MAGI2: variants seen among roughly 807,000 people sequenced by gnomAD.
MAGI2 encodes the protein membrane-associated guanylate kinase, WW and PDZ domain-containing protein 2.
A neutral mutation model predicts 133.3 loss-of-function variants in MAGI2; 35 were observed. The observed-to-expected ratio is 0.26, with a 90% CI of 0.20 to 0.35. The LOEUF is 0.35. Among genes scored for constraint, MAGI2 ranks in the 10% least tolerant of loss-of-function variants. The pLI is 1.00. For synonymous variants in MAGI2, 729 were observed against 710.6 expected (o/e 1.03, Z -0.41); for missense variants, 1,636 against 1,863.4 (o/e 0.88, Z 2.25).
intron 2 of MAGI2, among the ~76,000 whole-genome samples, chr7:78,908,288 A>G (rs1447966558): frequency 9.2e-5 from 14 of 152,374 alleles, no homozygotes; most frequent in Middle Eastern, 3.4e-3. Flanking sequence ...TTACAGAACT[A>G]TGACACCAAA....
At chr7:79,062,669 T>C (rs1393066594) in intron 1 of MAGI2, among the ~76,000 whole-genome samples, 1 of 151,952 alleles carries the variant, frequency 6.6e-6, no homozygotes, top group Non-Finnish European at 1.5e-5. Flanking sequence ...TTTTCATGAG[T>C]CTATAATTTG....
intron 1 of MAGI2, among the ~76,000 whole-genome samples, chr7:79,327,101 T>A (rs1466721537): frequency 6.6e-6 from 1 of 152,158 alleles, no homozygotes; most frequent in Non-Finnish European, 1.5e-5. Flanking sequence ...TGGGTTTGAA[T>A]CCTGCTTTCA....
At chr7:78,124,934 C>T (rs1355501922) in intron 20 of MAGI2, among the ~76,000 whole-genome samples, 1 of 150,158 alleles carries the variant, frequency 6.7e-6, no homozygotes, top group Non-Finnish European at 1.5e-5. Context: ...ACGATCTTGG[C>T]TCACTGCAAC....
intron 2 of MAGI2, among the ~76,000 whole-genome samples, chr7:78,826,357 A>T (rs1305129519): frequency 6.6e-6 from 1 of 151,496 alleles, no homozygotes; most frequent in South Asian, 2.1e-4. Flanking sequence ...CGTCTAAAAA[A>T]AAAAAAAAAA....
intron 9 of MAGI2, among the ~76,000 whole-genome samples, chr7:78,331,111 C>T (rs1789146835): frequency 6.6e-6 from 1 of 152,094 alleles, no homozygotes; most frequent in Non-Finnish European, 1.5e-5. Context: ...AACACAAGAA[C>T]AAAAATCCAA....
At chr7:78,041,346 T>G (rs993957066) in intron 21 of MAGI2, among the ~76,000 whole-genome samples, 7 of 152,164 alleles carry the variant, frequency 4.6e-5, no homozygotes, top group South Asian at 2.1e-4. Flanking sequence ...CAACCTCTAG[T>G]CAGCTTGCTG....
At position 78,389,257 on chromosome 7, in the gene MAGI2, G is replaced by A. The variant is rs527920840; in HGVS notation, c.1046-20044C>T. On this transcript the variant is annotated intron_variant, in intron 6 of 21. Transcript: ENST00000354212. ...GTTGAAAAACTCAGTAGGACCAGAT[G>A]CCACAAGACAGACTGGAAGGCGCTC... Among the ~76,000 whole-genome samples, 17 of 152,270 alleles carry A rather than the reference G, an allele frequency of 1.1e-4. 1 individual carries two copies. The South Asian group carries it at 3.5e-3, about 32-fold the overall frequency.
intron 6 of MAGI2, among the ~76,000 whole-genome samples, chr7:78,454,642 T>C (rs1211520759): frequency 1.3e-5 from 2 of 152,212 alleles, no homozygotes; most frequent in African/African-American, 2.4e-5. Context: ...ACTTAATTCA[T>C]ATTTGCCAAA....
intron 13 of MAGI2, among the ~76,000 whole-genome samples, chr7:78,182,110 A>C (rs1035719653): frequency 6.6e-6 from 1 of 152,232 alleles, no homozygotes; most frequent in Admixed American, 6.5e-5. Flanking sequence ...ATGGCTTATC[A>C]TCACAGTTTG....
chr7:78,763,080 C>T (rs1390809422), intron 2 of MAGI2, among the ~76,000 whole-genome samples: 5 of 152,170 alleles, frequency 3.3e-5, no homozygotes, highest in African/African-American at 4.8e-5. Flanking sequence ...GCCTGCCAGT[C>T]ACTGGTCATG....
rs1563034036 is a variant in MAGI2 at position 78,461,933 on chromosome 7, A to AG, written c.1045+27827_1045+27828insC. On this transcript the variant is annotated intron_variant, in intron 6 of 21. Coordinates refer to ENST00000354212, the MANE Select transcript of MAGI2 (RefSeq NM_012301.4). The stretch of plus-strand genomic sequence containing the variant: ...TTCCGTCTCAAAAAAAAAAAAAAAA[A>AG]AAAAAAAAAAAAAAGAAAGAAAGAA... Among the ~76,000 whole-genome samples the AG allele has an allele frequency of 5.3e-4, 72 of 136,688 alleles. 1 individual carries two copies. The highest frequency in any genetic ancestry group is 7.6e-3 in the Middle Eastern group (2 of 264). The allele number at this position is 136,688 out of a possible 152,430, so 89.7% of individuals were successfully genotyped here. A position where few individuals can be genotyped will look rare whatever the true frequency, so the allele number is the denominator to read the frequency against.
At chr7:78,688,185 G>A (rs549101554) in intron 2 of MAGI2, among the ~76,000 whole-genome samples, 6 of 152,146 alleles carry the variant, frequency 3.9e-5, no homozygotes, top group African/African-American at 1.4e-4. Context: ...CAAAGGCTTT[G>A]TGGTAGCTGT....
Position 78,224,338 on chromosome 7 carries a change from C to T in MAGI2, c.2048-23145G>A, listed in dbSNP as rs1333570130. Among the ~76,000 whole-genome samples the T allele has an allele frequency of 3.3e-5, 5 of 152,278 alleles. No homozygotes were observed. The East Asian group carries it at 5.8e-4, about 18-fold the overall frequency. ...AAAAAGCTCTCCACTCGTTAGTCTT[C>T]GTACTCACTTAGTTTTACACAGTGA... On this transcript the variant is annotated intron_variant, in intron 10 of 21. Coordinates refer to ENST00000354212, the MANE Select transcript of MAGI2 (RefSeq NM_012301.4).
intron 1 of MAGI2, among the ~76,000 whole-genome samples, chr7:79,036,204 CTCATT>C (rs1811112658): frequency 6.6e-6 from 1 of 152,188 alleles, no homozygotes; most frequent in South Asian, 2.1e-4. Context: ...CGGATAGCAT[CTCATT>C]TCATCTAAAA....
At chr7:78,682,405 G>T (rs1489422178) in intron 2 of MAGI2, among the ~76,000 whole-genome samples, 1 of 152,060 alleles carries the variant, frequency 6.6e-6, no homozygotes, top group Non-Finnish European at 1.5e-5. Flanking sequence ...CCCAGTGTGT[G>T]ATGCTCCCCT....
chr7:78,215,916 G>T (rs767738728), intron 10 of MAGI2, among the ~76,000 whole-genome samples: 30 of 152,204 alleles, frequency 2.0e-4, no homozygotes, highest in Non-Finnish European at 3.8e-4. Flanking sequence ...GTAGACTTAT[G>T]AGGCATAGCA....
At chr7:78,060,922 A>G (rs557873010) in intron 21 of MAGI2, among the ~76,000 whole-genome samples, 2 of 152,184 alleles carry the variant, frequency 1.3e-5, no homozygotes, top group East Asian at 1.9e-4. Context: ...TCCCAACACT[A>G]TGGGGGGCCA....
intron 1 of MAGI2, among the ~76,000 whole-genome samples, chr7:79,266,757 A>T (rs1383949880): frequency 6.6e-6 from 1 of 152,196 alleles, no homozygotes; most frequent in Non-Finnish European, 1.5e-5. Flanking sequence ...GGTCAGGGCT[A>T]CTAGAGCATA....
chr7:78,325,874 T>G, intron 9 of MAGI2, among the ~76,000 whole-genome samples: 1 of 152,254 alleles, frequency 6.6e-6, no homozygotes, highest in South Asian at 2.1e-4. Flanking sequence ...CTTTTCTGAC[T>G]TCTGTTTCTC....
Sources: gnomAD v4.1 joint callset for allele counts (sites outside exome capture counted in the v4.1 genomes callset) on GRCh38, gnomAD v4.1.1 for gene constraint, MANE v1.5 for transcripts, NCBI Gene and HGNC (gene_info 2026-07-23, HGNC 2026-07-21) for gene names.